STK32B: variants seen among roughly 807,000 people sequenced by gnomAD.
The protein encoded by STK32B is serine/threonine kinase 32B.
Under a neutral mutation model 52.6 loss-of-function variants are expected in STK32B, and 43 were observed. That is an observed-to-expected ratio of 0.82 (90% CI 0.64 to 1.05). STK32B has a LOEUF of 1.05. Among genes scored for constraint, STK32B ranks in the 50% least tolerant of loss-of-function variants. The probability of loss-of-function intolerance (pLI) is 0.00; values close to 1 mark genes in which losing one functional copy is unlikely to be tolerated. For missense variants in STK32B, 621 were observed against 534.6 expected, an observed-to-expected ratio of 1.16 and a Z score of -1.59; for synonymous variants, 238 against 204.3, an observed-to-expected ratio of 1.17 and a Z score of -1.41.
At position 5,318,805 on chromosome 4, in the gene STK32B, A is replaced by ATT. The variant is rs71742049; in HGVS notation, c.261-12404_261-12403dup. Among the ~76,000 whole-genome samples the ATT allele has an allele frequency of 3.1e-3, 459 of 147,276 alleles. 2 individuals are homozygous for ATT. The highest frequency in any genetic ancestry group is 0.011 in the African/African-American group (437 of 40,324). On this transcript the variant is annotated intron_variant, in intron 3 of 11. Transcript: ENST00000282908. ...GTTGAGAATAATAAAAATAGCAAGT[A>ATT]TTTTTTTTTTTTGAGACGGAGTCTT... is the stretch of plus-strand genomic sequence containing the variant.
In STK32B at chr4:5,051,893, C is replaced by G. The variant is rs77843312; in HGVS notation, c.30C>G (p.Pro10=). 1.8e-5 allele frequency: 29 copies of G among 1,599,820 alleles called. No individual in the cohort carries two copies. Among genetic ancestry groups the G allele is most frequent in the East Asian group, 1.1e-4 (5 of 43,672 alleles). MGGNHSHKP[P]VFDENEEVNF... is the part of the protein sequence containing the mutation. ...GCGGGAACCACTCCCACAAGCCCCC[C>G]GTGTTTGACGAGAATGAGGAAGGTA... Residue 10 remains proline, a synonymous_variant, in exon 1 of 12, where the codon CCC becomes CCG. Transcript: ENST00000282908.
intron 3 of STK32B, among the ~76,000 whole-genome samples, chr4:5,242,817 C>A (rs1226904949): frequency 6.6e-6 from 1 of 152,146 alleles, no homozygotes; most frequent in Non-Finnish European, 1.5e-5. Flanking sequence ...TTTCCCAGCA[C>A]CATTTATTAA....
chr4:5,485,200 A>G (rs1191718490), intron 11 of STK32B, among the ~76,000 whole-genome samples: 4 of 151,570 alleles, frequency 2.6e-5, no homozygotes, highest in South Asian at 2.1e-4. Flanking sequence ...ACTTGGTTCC[A>G]TTCTCCCCGT....
At chr4:5,175,104 G>T (rs945373854) in intron 3 of STK32B, among the ~76,000 whole-genome samples, 2 of 152,074 alleles carry the variant, frequency 1.3e-5, no homozygotes, top group African/African-American at 4.8e-5. Flanking sequence ...GGTTACTGAG[G>T]CTTGTGCATT....
At chr4:5,346,272 G>C (rs147735261) in intron 4 of STK32B, among the ~76,000 whole-genome samples, 1 of 152,298 alleles carries the variant, frequency 6.6e-6, no homozygotes, top group East Asian at 1.9e-4. Context: ...CTGGTCCTAA[G>C]ACCTTTTTGA....
At chr4:5,102,950 C>T (rs1300263100) in intron 1 of STK32B, among the ~76,000 whole-genome samples, 1 of 128,994 alleles carries the variant, frequency 7.8e-6, no homozygotes, top group African/African-American at 2.9e-5. Context: ...TCCCCCTCCT[C>T]TCCTTTTTGC....
At chr4:5,228,644 C>T (rs2108803295) in intron 3 of STK32B, among the ~76,000 whole-genome samples, 1 of 152,234 alleles carries the variant, frequency 6.6e-6, no homozygotes, top group Non-Finnish European at 1.5e-5. Context: ...AAGAGAATCA[C>T]AATAATTCTT....
intron 11 of STK32B, among the ~76,000 whole-genome samples, chr4:5,476,051 C>A (rs1286962107): frequency 6.6e-6 from 1 of 151,914 alleles, no homozygotes; most frequent in African/African-American, 2.4e-5. Flanking sequence ...CCCGCCACCA[C>A]ACCCAGCTAA....
chr4:5,253,469 G>T (rs571955461), intron 3 of STK32B, among the ~76,000 whole-genome samples: 4 of 152,096 alleles, frequency 2.6e-5, no homozygotes, highest in Non-Finnish European at 5.9e-5. Context: ...CCTTCTCCCA[G>T]GCTCAAGCGA....
intron 3 of STK32B, among the ~76,000 whole-genome samples, chr4:5,232,929 A>G (rs547782430): frequency 6.6e-6 from 1 of 152,302 alleles, no homozygotes; most frequent in South Asian, 2.1e-4. Context: ...AGCTCCTTGC[A>G]TCTGAAGATC....
At chr4:5,381,100 G>A (rs949013662) in intron 4 of STK32B, among the ~76,000 whole-genome samples, 4 of 152,074 alleles carry the variant, frequency 2.6e-5, no homozygotes, top group Admixed American at 2.0e-4. Flanking sequence ...CCTGAGTTTC[G>A]TCCACTGTAT....
chr4:5,454,278 G>C (rs1342188051), intron 7 of STK32B, among the ~76,000 whole-genome samples: 2 of 152,172 alleles, frequency 1.3e-5, no homozygotes, highest in African/African-American at 4.8e-5. Context: ...CACACACTGG[G>C]TGGCTTAAAC....
intron 3 of STK32B, among the ~76,000 whole-genome samples, chr4:5,170,430 G>C (rs1031766512): frequency 6.6e-6 from 1 of 152,044 alleles, no homozygotes; most frequent in Non-Finnish European, 1.5e-5. Flanking sequence ...TTTAACATTA[G>C]GTATATCTCC....
At chr4:5,162,287 C>G (rs1324260498) in intron 2 of STK32B, among the ~76,000 whole-genome samples, 1 of 152,194 alleles carries the variant, frequency 6.6e-6, no homozygotes, top group Non-Finnish European at 1.5e-5. Flanking sequence ...TGAAATCATT[C>G]TCAACTCTGG....
chr4:5,379,050 CACCAAGGAGA>C (rs147513489), intron 4 of STK32B, among the ~76,000 whole-genome samples: 5,706 of 152,212 alleles, frequency 0.037, 365 homozygotes, highest in Admixed American at 0.18. Flanking sequence ...GAGAAGGGAG[CACCAAGGAGA>C]GAAATCCCAG....
intron 4 of STK32B, among the ~76,000 whole-genome samples, chr4:5,344,692 A>ATTTTT (rs376899720): frequency 6.8e-6 from 1 of 147,900 alleles, no homozygotes. Context: ...CTTTGTCAGA[A>ATTTTT]TTTTTTTTTT....
intron 3 of STK32B, among the ~76,000 whole-genome samples, chr4:5,289,130 T>C (rs1463670181): frequency 6.6e-6 from 1 of 152,212 alleles, no homozygotes; most frequent in East Asian, 1.9e-4. Flanking sequence ...ACCTAGGCTA[T>C]ATGGTATAAC....
At chr4:5,129,908 G>A (rs1391082662) in intron 1 of STK32B, among the ~76,000 whole-genome samples, 1 of 152,006 alleles carries the variant, frequency 6.6e-6, no homozygotes, top group African/African-American at 2.4e-5. Flanking sequence ...TATTTATTGA[G>A]TGCCTATTAT....
chr4:5,468,156 C>CA, intron 11 of STK32B, 86 bp downstream of exon 11: 1 of 1,414,160 alleles, frequency 7.1e-7, no homozygotes. Flanking sequence ...CCCTGCCCCC[C>CA]AAACCGGCCT....
Sources: allele counts gnomAD v4.1 joint callset (sites outside exome capture counted in the v4.1 genomes callset), GRCh38; gene constraint gnomAD v4.1.1; transcripts MANE v1.5; gene names NCBI Gene and HGNC (gene_info 2026-07-23, HGNC 2026-07-21).